Variants in CAMTA1 observed in about 807,000 individuals in gnomAD.
The protein encoded by CAMTA1 is calmodulin-binding transcription activator 1.
In CAMTA1, 27 loss-of-function variants were observed where a neutral mutation model predicts 170.9. The observed-to-expected ratio is 0.16, with a 90% CI of 0.12 to 0.22. The LOEUF is 0.22. Among genes scored for constraint, CAMTA1 ranks in the 10% least tolerant of loss-of-function variants. The pLI is 1.00. For synonymous variants in CAMTA1, 833 were observed against 891.5 expected (o/e 0.93, Z 1.17); for missense variants, 1,619 against 2,217.2 (o/e 0.73, Z 5.42).
At chr1:7,349,088 G>C (rs961650648) in intron 5 of CAMTA1, among the ~76,000 whole-genome samples, 2 of 152,172 alleles carry the variant, frequency 1.3e-5, no homozygotes, top group East Asian at 3.8e-4. Context: ...CGTGCTATGG[G>C]CTTAAGACGG....
intron 5 of CAMTA1, among the ~76,000 whole-genome samples, chr1:7,444,218 C>T (rs756870717): frequency 2.6e-5 from 4 of 152,224 alleles, no homozygotes; most frequent in Non-Finnish European, 4.4e-5. Context: ...CATGTCCTTC[C>T]TCTGGAGTGT....
chr1:6,815,148 T>G (rs1432035659), intron 1 of CAMTA1, among the ~76,000 whole-genome samples: 2 of 152,164 alleles, frequency 1.3e-5, no homozygotes, highest in African/African-American at 4.8e-5. Context: ...AATTAGATAG[T>G]ATACTTTTTG....
intron 6 of CAMTA1, among the ~76,000 whole-genome samples, chr1:7,548,423 G>A (rs2094731314): frequency 6.6e-6 from 1 of 151,820 alleles, no homozygotes; most frequent in Non-Finnish European, 1.5e-5. Context: ...CCCGTGCAGG[G>A]TGCCCCTTAG....
At chr1:7,617,867 A>G (rs1413313182) in intron 6 of CAMTA1, among the ~76,000 whole-genome samples, 1 of 152,126 alleles carries the variant, frequency 6.6e-6, no homozygotes, top group African/African-American at 2.4e-5. Context: ...CTCAGCTCTA[A>G]GGTGGGGCTG....
chr1:7,490,419 AG>A (rs1459020427), intron 6 of CAMTA1, among the ~76,000 whole-genome samples: 1 of 152,226 alleles, frequency 6.6e-6, no homozygotes, highest in Non-Finnish European at 1.5e-5. Context: ...TGGGAGGCCG[AG>A]GCAGGCGGTT....
intron 5 of CAMTA1, among the ~76,000 whole-genome samples, chr1:7,380,681 G>T (rs1315942685): frequency 6.6e-6 from 1 of 152,224 alleles, no homozygotes; most frequent in Non-Finnish European, 1.5e-5. Context: ...TAAGAATGTG[G>T]CATAAATACA....
rs534776902 is a variant in CAMTA1, at chr1:6,939,599, C to A, written c.234+114389C>A. Among the ~76,000 whole-genome samples, 118 of 152,302 alleles carry A rather than the reference C, an allele frequency of 7.7e-4. 1 individual carries two copies. Among genetic ancestry groups the A allele is most frequent in the Non-Finnish European group, 1.2e-3 (85 of 68,032 alleles). Reference sequence around the variant, plus strand: ...CTCTCTGTCTCCAGCCTGCAGGGGTCCTGCTTAGCCTGGTCCCCTGTGGCG... The same window carrying A: ...CTCTCTGTCTCCAGCCTGCAGGGGTACTGCTTAGCCTGGTCCCCTGTGGCG... On this transcript the variant is annotated intron_variant, in intron 3 of 22. Coordinates refer to ENST00000303635, the MANE Select transcript of CAMTA1 (RefSeq NM_015215.4).
intron 6 of CAMTA1, among the ~76,000 whole-genome samples, chr1:7,546,473 T>C (rs2094694802): frequency 6.6e-6 from 1 of 152,224 alleles, no homozygotes; most frequent in South Asian, 2.1e-4. Flanking sequence ...TACACATGCA[T>C]GTATCTTTAT....
chr1:7,498,980 G>A (rs2093904646), intron 6 of CAMTA1, among the ~76,000 whole-genome samples: 1 of 137,730 alleles, frequency 7.3e-6, no homozygotes, highest in African/African-American at 2.9e-5. Context: ...TGAGTCTGGT[G>A]TGCGTGTGTA....
chr1:7,170,212 G>A (rs1385066612), intron 4 of CAMTA1, among the ~76,000 whole-genome samples: 1 of 150,848 alleles, frequency 6.6e-6, no homozygotes, highest in Non-Finnish European at 1.5e-5. Flanking sequence ...GTTTTAACAT[G>A]TAGTAGTTTG....
chr1:6,989,597 CTAAG>C (rs1424667838), intron 3 of CAMTA1, among the ~76,000 whole-genome samples: 1 of 152,104 alleles, frequency 6.6e-6, no homozygotes, highest in Non-Finnish European at 1.5e-5. Flanking sequence ...GTTATTGCTC[CTAAG>C]TGAGGCAGTA....
chr1:7,228,873 A>C (rs1662180824), intron 4 of CAMTA1, among the ~76,000 whole-genome samples: 1 of 152,142 alleles, frequency 6.6e-6, no homozygotes, highest in African/African-American at 2.4e-5. Context: ...CTGTGACACC[A>C]AGGCCTTAGG....
At chr1:7,068,871 C>T (rs1003445354) in intron 3 of CAMTA1, among the ~76,000 whole-genome samples, 1 of 152,148 alleles carries the variant, frequency 6.6e-6, no homozygotes, top group Non-Finnish European at 1.5e-5. Context: ...TTTGGCCAAG[C>T]AGATATATCA....
chr1:7,130,699 G>T (rs574408068), intron 4 of CAMTA1, among the ~76,000 whole-genome samples: 1 of 152,060 alleles, frequency 6.6e-6, no homozygotes, highest in Admixed American at 6.6e-5. Flanking sequence ...AATGACGGAT[G>T]ATGCTGACAG....
At chr1:7,151,319 A>G (rs1324132197) in intron 4 of CAMTA1, among the ~76,000 whole-genome samples, 1 of 152,222 alleles carries the variant, frequency 6.6e-6, no homozygotes, top group African/African-American at 2.4e-5. Context: ...GTGATTCTTC[A>G]TTAGCATCTG....
At chr1:7,126,273 A>G (rs1313770571) in intron 4 of CAMTA1, among the ~76,000 whole-genome samples, 1 of 152,148 alleles carries the variant, frequency 6.6e-6, no homozygotes, top group Non-Finnish European at 1.5e-5. Context: ...CCGCAAACCT[A>G]ACAAATGCCT....
At chr1:7,574,478 A>G (rs371834390) in intron 6 of CAMTA1, among the ~76,000 whole-genome samples, 126 of 152,112 alleles carry the variant, frequency 8.3e-4, no homozygotes, top group African/African-American at 3.0e-3. Flanking sequence ...TGAGTGGAAA[A>G]ATAAATTACC....
chr1:7,113,188 C>T lies in CAMTA1; in HGVS notation c.302+21817C>T, dbSNP rs1382985084. 6.6e-6 allele frequency among the ~76,000 whole-genome samples: 1 copy of T among 152,254 alleles called. No individual in the cohort carries two copies. Among genetic ancestry groups the T allele is most frequent in the Non-Finnish European group, 1.5e-5 (1 of 68,046 alleles). On this transcript the variant is annotated intron_variant, in intron 4 of 22. Coordinates refer to ENST00000303635, the MANE Select transcript of CAMTA1 (RefSeq NM_015215.4). The surrounding 1 kb of genome is among the most constrained non-coding windows in gnomAD (Gnocchi z 4.5). ...TTATTAAGGCCAGAATCATCCTTTT[C>T]TGTCAGAAGCCACAGACAGAGGCTG...
At chr1:7,051,767 T>A (rs1201069112) in intron 3 of CAMTA1, among the ~76,000 whole-genome samples, 1 of 145,432 alleles carries the variant, frequency 6.9e-6, no homozygotes, top group East Asian at 2.2e-4. Flanking sequence ...CTGGATTGTA[T>A]TCATTCGAAT....
Sources: allele counts gnomAD v4.1 joint callset (sites outside exome capture counted in the v4.1 genomes callset), GRCh38; gene constraint gnomAD v4.1.1; non-coding constraint Gnocchi (gnomAD v3.1); transcripts MANE v1.5; gene names NCBI Gene and HGNC (gene_info 2026-07-23, HGNC 2026-07-21).